The following ADAMTS19 variants were observed in gnomAD, a reference collection of about 807,000 sequenced individuals.
ADAMTS19 encodes the protein ADAM metallopeptidase with thrombospondin type 1 motif 19, also known as A disintegrin and metalloproteinase with thrombospondin motifs 19.
In ADAMTS19, 93 loss-of-function variants were observed where a neutral mutation model predicts 153.3. That is an observed-to-expected ratio of 0.61 (90% CI 0.51 to 0.72). The LOEUF (loss-of-function observed/expected upper bound fraction) is 0.72, where lower values mean the gene tolerates loss of function less well. ADAMTS19 is among the 30% of genes least tolerant of loss of function. ADAMTS19 has a pLI of 0.00. For missense variants in ADAMTS19, 1,482 were observed against 1,552.1 expected, an observed-to-expected ratio of 0.95 and a Z score of 0.76; for synonymous variants, 600 against 556.6, an observed-to-expected ratio of 1.08 and a Z score of -1.10.
intron 6 of ADAMTS19, among the ~76,000 whole-genome samples, chr5:129,543,282 C>G (rs1163405715): frequency 6.6e-6 from 1 of 151,926 alleles, no homozygotes; most frequent in East Asian, 1.9e-4. Context: ...GAACTCCCGA[C>G]CTCAGGTGAT....
intron 20 of ADAMTS19, among the ~76,000 whole-genome samples, chr5:129,704,011 C>T (rs998070141): frequency 3.9e-5 from 6 of 152,128 alleles, no homozygotes; most frequent in African/African-American, 1.4e-4. Context: ...AATAATGGCT[C>T]AGTATTTCTG....
intron 2 of ADAMTS19, 150 bp from the exon 3 acceptor site, chr5:129,508,927 T>C (rs1581020361): frequency 3.8e-6 from 2 of 529,760 alleles, no homozygotes; most frequent in Non-Finnish European, 6.4e-6. Context: ...AATGGGAAGA[T>C]AGTTACCTTG....
intron 16 of ADAMTS19, among the ~76,000 whole-genome samples, chr5:129,678,509 A>G (rs555113740): frequency 6.6e-6 from 1 of 152,124 alleles, no homozygotes; most frequent in African/African-American, 2.4e-5. Flanking sequence ...AGAACTTTGA[A>G]TGTTGCCTGA....
chr5:129,585,253 T>C (rs912823872), intron 7 of ADAMTS19, among the ~76,000 whole-genome samples: 1 of 151,310 alleles, frequency 6.6e-6, no homozygotes, highest in African/African-American at 2.4e-5. Flanking sequence ...CCCAGTGAGA[T>C]GAGCCGGGTA....
intron 21 of ADAMTS19, among the ~76,000 whole-genome samples, chr5:129,707,411 A>C (rs1489296340): frequency 2.6e-5 from 4 of 152,110 alleles, no homozygotes; most frequent in Non-Finnish European, 4.4e-5. Context: ...CCTTAAAGCC[A>C]TTTCTTTCCT....
chr5:129,535,417 CA>C (rs1752379412), intron 6 of ADAMTS19, among the ~76,000 whole-genome samples: 1 of 152,236 alleles, frequency 6.6e-6, no homozygotes, highest in African/African-American at 2.4e-5. Context: ...AAAGAGAATA[CA>C]AACAAATGGA....
At chr5:129,653,728 A>G (rs894100783) in intron 13 of ADAMTS19, among the ~76,000 whole-genome samples, 4 of 152,192 alleles carry the variant, frequency 2.6e-5, no homozygotes, top group Admixed American at 1.3e-4. Flanking sequence ...TACAAATGCA[A>G]TTCTTACTAC....
chr5:129,733,572 C>T (rs575365048), intron 21 of ADAMTS19, among the ~76,000 whole-genome samples: 4 of 152,068 alleles, frequency 2.6e-5, no homozygotes, highest in South Asian at 2.1e-4. Flanking sequence ...CATCACTAAT[C>T]GTCCAAGAAA....
chr5:129,700,905 A>C (rs1476060358), intron 19 of ADAMTS19, among the ~76,000 whole-genome samples: 6 of 151,772 alleles, frequency 4.0e-5, no homozygotes, highest in African/African-American at 9.7e-5. Context: ...GTTTGGTTAA[A>C]AAAAAAAAGG....
chr5:129,719,353 C>G (rs1581259574), intron 21 of ADAMTS19, among the ~76,000 whole-genome samples: 1 of 152,122 alleles, frequency 6.6e-6, no homozygotes, highest in African/African-American at 2.4e-5. Flanking sequence ...TTTATTTATA[C>G]CGTAATCTCC....
intron 17 of ADAMTS19, among the ~76,000 whole-genome samples, chr5:129,680,894 G>A (rs2127119214): frequency 6.6e-6 from 1 of 152,296 alleles, no homozygotes; most frequent in South Asian, 2.1e-4. Context: ...TTATGGCAGT[G>A]CGTGCTAATG....
chr5:129,534,069 C>T (rs1752315640), intron 6 of ADAMTS19, among the ~76,000 whole-genome samples: 1 of 152,076 alleles, frequency 6.6e-6, no homozygotes, highest in African/African-American at 2.4e-5. Context: ...AATGTATATT[C>T]TGTTGACTTG....
intron 6 of ADAMTS19, among the ~76,000 whole-genome samples, chr5:129,532,030 G>T (rs1400848580): frequency 6.6e-6 from 1 of 151,800 alleles, no homozygotes; most frequent in Non-Finnish European, 1.5e-5. Flanking sequence ...AAGGATCACA[G>T]AATTAAACAT....
chr5:129,672,942 A>T (rs1754374273), intron 16 of ADAMTS19, among the ~76,000 whole-genome samples: 1 of 152,090 alleles, frequency 6.6e-6, no homozygotes, highest in South Asian at 2.1e-4. Flanking sequence ...GTTATCTTTA[A>T]GAAATTAATT....
intron 12 of ADAMTS19, 55 bp downstream of exon 12, chr5:129,647,950 G>A: frequency 1.9e-6 from 3 of 1,559,138 alleles, no homozygotes; most frequent in Non-Finnish European, 1.7e-6. Flanking sequence ...GGAATGCAAA[G>A]GTTTTACTGA....
At chr5:129,493,970 A>G (rs1445987238) in intron 2 of ADAMTS19, among the ~76,000 whole-genome samples, 1 of 151,930 alleles carries the variant, frequency 6.6e-6, no homozygotes, top group Non-Finnish European at 1.5e-5. Flanking sequence ...TTCTTGGTGG[A>G]TTGCTCTCAA....
intron 21 of ADAMTS19, among the ~76,000 whole-genome samples, chr5:129,710,143 G>A (rs190531309): frequency 1.2e-4 from 19 of 152,074 alleles, no homozygotes; most frequent in Admixed American, 1.2e-3. Flanking sequence ...TCACCAACAA[G>A]CCCTAGTGTG....
chr5:129,570,025 A>G (rs780343397), intron 7 of ADAMTS19, among the ~76,000 whole-genome samples: 3 of 152,004 alleles, frequency 2.0e-5, no homozygotes, highest in Non-Finnish European at 4.4e-5. Flanking sequence ...TAATTCTCCT[A>G]TTGACTCTCC....
chr5:129,509,817 T>G (rs1186525246), intron 3 of ADAMTS19, among the ~76,000 whole-genome samples: 3 of 151,924 alleles, frequency 2.0e-5, no homozygotes, highest in African/African-American at 7.2e-5. Flanking sequence ...CATCAAATCC[T>G]TGGCTCTTTT....
Sources: gnomAD v4.1 joint callset for allele counts (sites outside exome capture counted in the v4.1 genomes callset) on GRCh38, gnomAD v4.1.1 for gene constraint, MANE v1.5 for transcripts, NCBI Gene and HGNC (gene_info 2026-07-23, HGNC 2026-07-21) for gene names.